The following NCAM1 variants were observed in gnomAD, a reference collection of about 807,000 sequenced individuals.
The protein encoded by NCAM1 is antigen recognized by monoclonal antibody 5.1H11.
A neutral mutation model predicts 109.8 loss-of-function variants in NCAM1; 14 were observed. The observed-to-expected ratio is 0.13, with a 90% CI of 0.08 to 0.20. The LOEUF (loss-of-function observed/expected upper bound fraction) is 0.20, where lower values mean the gene tolerates loss of function less well. Ranked by LOEUF, NCAM1 falls within the 10% of genes least tolerant of loss-of-function variation. The probability of loss-of-function intolerance (pLI) is 1.00; values close to 1 mark genes in which losing one functional copy is unlikely to be tolerated. For missense variants in NCAM1, 774 were observed against 1,109.9 expected, an observed-to-expected ratio of 0.70 and a Z score of 4.30; for synonymous variants, 418 against 442.9, an observed-to-expected ratio of 0.94 and a Z score of 0.70.
At chr11:113,043,332 A>G (rs1463508534) in intron 1 of NCAM1, among the ~76,000 whole-genome samples, 1 of 151,680 alleles carries the variant, frequency 6.6e-6, no homozygotes, top group Non-Finnish European at 1.5e-5. Flanking sequence ...CTACCTTTTT[A>G]TTTATTTATT....
intron 1 of NCAM1, among the ~76,000 whole-genome samples, chr11:113,037,561 T>C (rs1222434587): frequency 1.3e-5 from 2 of 152,216 alleles, no homozygotes; most frequent in African/African-American, 4.8e-5. Flanking sequence ...GTCTGTTATA[T>C]AGGAGTTCAT....
At chr11:112,985,933 A>G (rs1555069562) in intron 1 of NCAM1, among the ~76,000 whole-genome samples, 1 of 151,810 alleles carries the variant, frequency 6.6e-6, no homozygotes, top group Non-Finnish European at 1.5e-5. Flanking sequence ...TCTGGCTAGG[A>G]CTTTCAGTAC....
At chr11:112,983,550 G>T (rs1315044221) in intron 1 of NCAM1, among the ~76,000 whole-genome samples, 1 of 151,836 alleles carries the variant, frequency 6.6e-6, no homozygotes, top group Non-Finnish European at 1.5e-5. Flanking sequence ...AAGAAGGCTG[G>T]CATCTAATGT....
chr11:113,027,948 A>G (rs1381468835), intron 1 of NCAM1, among the ~76,000 whole-genome samples: 1 of 152,208 alleles, frequency 6.6e-6, no homozygotes, highest in Non-Finnish European at 1.5e-5. Flanking sequence ...CAGGCACAGA[A>G]AGACAGCTAC....
At chr11:113,129,399 C>T (rs1162337648) in intron 1 of NCAM1, among the ~76,000 whole-genome samples, 2 of 152,168 alleles carry the variant, frequency 1.3e-5, no homozygotes, top group African/African-American at 4.8e-5. Context: ...GCTACATCTT[C>T]ACTATAATGA....
chr11:113,121,267 C>G (rs2136036612), intron 1 of NCAM1, among the ~76,000 whole-genome samples: 1 of 147,014 alleles, frequency 6.8e-6, no homozygotes, highest in East Asian at 2.0e-4. Flanking sequence ...GTCACCCAGG[C>G]TGGAGTGCAG....
chr11:113,098,484 C>G (rs946708408), intron 1 of NCAM1, among the ~76,000 whole-genome samples: 1 of 151,678 alleles, frequency 6.6e-6, no homozygotes, highest in Non-Finnish European at 1.5e-5. Context: ...ATATTTGATC[C>G]ACGGTTGGTT....
chr11:113,236,173 G>T, intron 14 of NCAM1: 2 of 905,454 alleles, frequency 2.2e-6, no homozygotes, highest in South Asian at 1.6e-5. Flanking sequence ...GAAGTAATTT[G>T]ATAATTTGAG....
At chr11:112,988,446 A>G (rs1951367467) in intron 1 of NCAM1, among the ~76,000 whole-genome samples, 1 of 152,088 alleles carries the variant, frequency 6.6e-6, no homozygotes, top group African/African-American at 2.4e-5. Context: ...AACACCCTTT[A>G]GCATTTTTTT....
intron 9 of NCAM1, among the ~76,000 whole-genome samples, chr11:113,227,882 A>C (rs1259683234): frequency 3.3e-5 from 5 of 152,188 alleles, no homozygotes; most frequent in Non-Finnish European, 7.3e-5. Context: ...AAAATCCAAC[A>C]ACCCTTCATG....
chr11:113,061,855 G>T (rs1400311989), intron 1 of NCAM1, among the ~76,000 whole-genome samples: 1 of 152,146 alleles, frequency 6.6e-6, no homozygotes, highest in Admixed American at 6.5e-5. Context: ...ACTGGAACCT[G>T]GGGTTCCATA....
At chr11:113,028,669 A>T (rs1952630692) in intron 1 of NCAM1, among the ~76,000 whole-genome samples, 1 of 152,208 alleles carries the variant, frequency 6.6e-6, no homozygotes, top group South Asian at 2.1e-4. Flanking sequence ...CATTTTAAGC[A>T]TTCAGTATTG....
At chr11:113,192,705 A>G (rs1482063951) in intron 1 of NCAM1, among the ~76,000 whole-genome samples, 1 of 152,226 alleles carries the variant, frequency 6.6e-6, no homozygotes, top group Non-Finnish European at 1.5e-5. Flanking sequence ...CAGAAGCAAT[A>G]GAAAGCCCTG....
rs550774880 is a variant in NCAM1, at chr11:113,175,736, G to A, written c.53-26643G>A. Among the ~76,000 whole-genome samples, 207 of 152,118 alleles carry A rather than the reference G, an allele frequency of 1.4e-3. 1 individual carries two copies. Among genetic ancestry groups the A allele is most frequent in the South Asian group, 8.9e-3 (43 of 4,818 alleles). Reference sequence around the variant, plus strand: ...GAAAAACATCAATCATACTCCCCACGTATCTGAACATATTTAATACTGTGT... The same window carrying A: ...GAAAAACATCAATCATACTCCCCACATATCTGAACATATTTAATACTGTGT... On this transcript the variant is annotated intron_variant, in intron 1 of 19. Transcript: ENST00000316851.
chr11:112,964,110 A>G (rs1356982358), intron 1 of NCAM1, among the ~76,000 whole-genome samples: 1 of 150,538 alleles, frequency 6.6e-6, no homozygotes. Context: ...GTATATATAC[A>G]TATGTATATA....
chr11:113,053,680 C>T (rs925854388), intron 1 of NCAM1, among the ~76,000 whole-genome samples: 7 of 152,242 alleles, frequency 4.6e-5, no homozygotes, highest in Middle Eastern at 3.4e-3. Context: ...TTTCCCAGTA[C>T]GAATAATAAT....
intron 1 of NCAM1, among the ~76,000 whole-genome samples, chr11:113,023,108 A>G (rs1952438209): frequency 6.6e-6 from 1 of 152,202 alleles, no homozygotes; most frequent in Non-Finnish European, 1.5e-5. Context: ...AGAGTTGCAG[A>G]CCCTGGCACA....
chr11:112,994,599 G>C (rs1384335716), intron 1 of NCAM1, among the ~76,000 whole-genome samples: 1 of 152,172 alleles, frequency 6.6e-6, no homozygotes, highest in Non-Finnish European at 1.5e-5. Context: ...ATGGGGAAGA[G>C]GAGTCAGCAG....
intron 1 of NCAM1, among the ~76,000 whole-genome samples, chr11:113,073,651 G>A (rs1241975428): frequency 1.3e-5 from 2 of 152,146 alleles, no homozygotes; most frequent in Non-Finnish European, 2.9e-5. Flanking sequence ...GAGGCCATAT[G>A]GAAGCATCTT....
Sources: allele counts gnomAD v4.1 joint callset (sites outside exome capture counted in the v4.1 genomes callset), GRCh38; gene constraint gnomAD v4.1.1; transcripts MANE v1.5; gene names NCBI Gene and HGNC (gene_info 2026-07-23, HGNC 2026-07-21).